The following PCDHGB2 variants were observed in gnomAD, a reference collection of about 807,000 sequenced individuals.
PCDHGB2 encodes protocadherin gamma subfamily B, 2, also known as protocadherin gamma-B2.
In PCDHGB2, 55 loss-of-function variants were observed where a neutral mutation model predicts 59.3. The observed-to-expected ratio is 0.93, with a 90% CI of 0.75 to 1.16. The LOEUF (loss-of-function observed/expected upper bound fraction) is 1.16, where lower values mean the gene tolerates loss of function less well. PCDHGB2 is among the 50% of genes most tolerant of loss of function. The probability of loss-of-function intolerance (pLI) is 0.00; values close to 1 mark genes in which losing one functional copy is unlikely to be tolerated. For synonymous variants in PCDHGB2, 516 were observed against 512.0 expected (o/e 1.01, Z -0.11); for missense variants, 1,228 against 1,198.5 (o/e 1.02, Z -0.36).
intron 1 of PCDHGB2, chr5:141,399,802 C>G: frequency 3.1e-6 from 5 of 1,613,252 alleles, no homozygotes; most frequent in Non-Finnish European, 3.4e-6. Flanking sequence ...ACCGCGGGTG[C>G]TGTACCCCGC....
chr5:141,472,980 C>CAAAAAAAAAAAAAAAAAAAAAAAAAAAA (rs60579131), intron 1 of PCDHGB2, among the ~76,000 whole-genome samples: 1 of 86,106 alleles, frequency 1.2e-5, no homozygotes, highest in Non-Finnish European at 2.5e-5. Flanking sequence ...GAGTGAAACT[C>CAAAAAAAAAAAAAAAAAAAAAAAAAAAA]AAAAAAAAAA....
chr5:141,363,888 C>T (rs1763099413), intron 1 of PCDHGB2, among the ~76,000 whole-genome samples: 1 of 152,020 alleles, frequency 6.6e-6, no homozygotes, highest in South Asian at 2.1e-4. Flanking sequence ...ACATAGGCTC[C>T]CCCGATGACG....
chr5:141,423,985 C>T (rs1334591897), intron 1 of PCDHGB2: 2 of 1,100,512 alleles, frequency 1.8e-6, no homozygotes, highest in Non-Finnish European at 2.2e-6. Flanking sequence ...ATGAGGCTCT[C>T]AATTTATTAT....
At chr5:141,453,331 C>G (rs1224258701) in intron 1 of PCDHGB2, among the ~76,000 whole-genome samples, 1 of 151,962 alleles carries the variant, frequency 6.6e-6, no homozygotes, top group East Asian at 1.9e-4. Flanking sequence ...TGGGGTCTCA[C>G]TATGTTTCCC....
At chr5:141,404,410 A>G (rs1343740045) in intron 1 of PCDHGB2, 2 of 1,613,728 alleles carry the variant, frequency 1.2e-6, no homozygotes, top group Non-Finnish European at 1.7e-6. Context: ...AGAATTCTAG[A>G]GTTATTTACT....
At chr5:141,445,471 T>A (rs533909401) in intron 1 of PCDHGB2, among the ~76,000 whole-genome samples, 17 of 152,204 alleles carry the variant, frequency 1.1e-4, no homozygotes, top group Non-Finnish European at 2.4e-4. Context: ...AAGGCATATA[T>A]GATTCCTGAG....
At chr5:141,399,842 A>G (rs749737928) in intron 1 of PCDHGB2, 11 of 1,612,852 alleles carry the variant, frequency 6.8e-6, no homozygotes, top group Non-Finnish European at 8.5e-7. Flanking sequence ...GCGCTCTTCG[A>G]TATGGTGCCG....
At position 141,489,749 on chromosome 5, in the gene PCDHGB2, AC is replaced by A; in HGVS notation, c.2422-5057del. ...GTGGGCACCAATACTGTGAGCTTTT[AC>A]ACTCTAAGCCCCAACAGCCACTTCT... is the stretch of plus-strand genomic sequence containing the variant. On this transcript the variant is annotated intron_variant, in intron 1 of 3. Transcript: ENST00000522605. The surrounding 1 kb of genome is among the most constrained non-coding windows in gnomAD (Gnocchi z 4.5). 6.2e-7 allele frequency: 1 copy of A among 1,614,126 alleles called. No individual in the cohort carries two copies. Among genetic ancestry groups the A allele is most frequent in the Non-Finnish European group, 8.5e-7 (1 of 1,180,002 alleles).
chr5:141,435,745 A>T (rs2097777848), intron 1 of PCDHGB2, among the ~76,000 whole-genome samples: 1 of 152,184 alleles, frequency 6.6e-6, no homozygotes, highest in African/African-American at 2.4e-5. Context: ...TTTGAAAAGC[A>T]TTGCTTGATT....
chr5:141,430,855 C>T, intron 1 of PCDHGB2: 7 of 1,588,596 alleles, frequency 4.4e-6, no homozygotes, highest in Non-Finnish European at 6.0e-6. Context: ...CCCAGATACG[C>T]TATTCAGTTC....
intron 1 of PCDHGB2, chr5:141,414,982 G>A (rs1415279007): frequency 3.7e-6 from 6 of 1,613,712 alleles, no homozygotes; most frequent in Admixed American, 1.7e-5. Flanking sequence ...CAGAGACTCC[G>A]GCCAGAACGC....
intron 1 of PCDHGB2, chr5:141,404,048 ATTC>A (rs1247713760): frequency 1.9e-6 from 3 of 1,613,866 alleles, no homozygotes; most frequent in South Asian, 1.1e-5. Flanking sequence ...GGGAACAGTA[ATTC>A]TTCTTTTCAA....
intron 1 of PCDHGB2, chr5:141,393,928 A>G: frequency 2.5e-6 from 4 of 1,614,004 alleles, no homozygotes; most frequent in South Asian, 2.2e-5. Flanking sequence ...TTGAGTGTGC[A>G]TGACCAAGAC....
At chr5:141,500,914 G>T (rs1237339394) in intron 2 of PCDHGB2, among the ~76,000 whole-genome samples, 2 of 151,130 alleles carry the variant, frequency 1.3e-5, no homozygotes, top group Non-Finnish European at 2.9e-5. Flanking sequence ...CTGTCTCCAG[G>T]CTGGGGTGCA....
chr5:141,441,973 C>A lies in PCDHGB2; in HGVS notation c.2422-52834C>A, dbSNP rs1457832429. The A allele has an allele frequency of 3.7e-5, 11 of 296,542 alleles. No individual in the cohort carries two copies. In the Admixed American group the frequency reaches 4.9e-4, roughly 13 times the overall value. 18.4% of individuals were successfully genotyped at this position (296,542 alleles called of 1,614,324 possible). A position where few individuals can be genotyped will look rare whatever the true frequency, so the allele number is the denominator to read the frequency against. ...GGCCAGCAAGCCCAGGCTCTTCAGC[C>A]TGGAATGCGCACCGACGAGGTGCTG... On this transcript the variant is annotated intron_variant, in intron 1 of 3. Coordinates refer to ENST00000522605, the MANE Select transcript of PCDHGB2 (RefSeq NM_018923.3).
At chr5:141,369,703 A>G (rs757750981) in intron 1 of PCDHGB2, among the ~76,000 whole-genome samples, 12 of 152,254 alleles carry the variant, frequency 7.9e-5, no homozygotes, top group Admixed American at 1.3e-4. Flanking sequence ...AAAAGCTATG[A>G]CATTATAACT....
At chr5:141,459,136 T>C (rs1044347522) in intron 1 of PCDHGB2, among the ~76,000 whole-genome samples, 2 of 152,224 alleles carry the variant, frequency 1.3e-5, no homozygotes, top group Non-Finnish European at 2.9e-5. Context: ...GTAACCACCA[T>C]GCAATCAAAA....
At chr5:141,420,824 C>T (rs1282369085) in intron 1 of PCDHGB2, among the ~76,000 whole-genome samples, 1 of 152,216 alleles carries the variant, frequency 6.6e-6, no homozygotes, top group Admixed American at 6.5e-5. Context: ...TTAATAATTA[C>T]TCCTTTCGCA....
rs567522277 is a variant in PCDHGB2, at chr5:141,485,131, A to G, written c.2422-9676A>G. 1.3e-6 allele frequency: 2 copies of G among 1,482,660 alleles called. No individual in the cohort carries two copies. The highest frequency in any genetic ancestry group is 1.2e-5 in the South Asian group (1 of 83,730). 91.8% of individuals were successfully genotyped at this position (1,482,660 alleles called of 1,614,324 possible). ...TGGCTGTTTGGGGCGGGTCGGCTTC[A>G]TCCGCGTCTCAGGAGCAAGTAGAGA... On this transcript the variant is annotated intron_variant, in intron 1 of 3. Transcript: ENST00000522605. The surrounding 1 kb of genome is among the most constrained non-coding windows in gnomAD (Gnocchi z 5.7).
Sources: allele counts gnomAD v4.1 joint callset (sites outside exome capture counted in the v4.1 genomes callset), GRCh38; gene constraint gnomAD v4.1.1; non-coding constraint Gnocchi (gnomAD v3.1); transcripts MANE v1.5; gene names NCBI Gene and HGNC (gene_info 2026-07-23, HGNC 2026-07-21).